The following MGST1 variants were observed in gnomAD, a reference collection of about 807,000 sequenced individuals.
MGST1 encodes microsomal glutathione S-transferase 1, also known as glutathione S-transferase 12.
MGST1 carries 5 observed loss-of-function variants against 8.9 expected under a neutral mutation model. That is an observed-to-expected ratio of 0.56 (90% CI 0.29 to 1.19). MGST1 has a LOEUF of 1.19. Among genes scored for constraint, MGST1 ranks in the 50% most tolerant of loss-of-function variants. The pLI, the probability that MGST1 is intolerant of heterozygous loss-of-function variation, is 0.08. For synonymous variants in MGST1, 54 were observed against 67.8 expected (o/e 0.80, Z 1.00); for missense variants, 182 against 187.4 (o/e 0.97, Z 0.17).
At chr12:16,452,304 G>A (rs1349514280) in intron 4 of MGST1, among the ~76,000 whole-genome samples, 1 of 151,166 alleles carries the variant, frequency 6.6e-6, no homozygotes, top group Admixed American at 6.6e-5. Flanking sequence ...TGTTTTTGTA[G>A]ATAGCAAGAT....
intron 3 of MGST1, among the ~76,000 whole-genome samples, chr12:16,374,605 A>G (rs759649359): frequency 2.6e-4 from 40 of 152,176 alleles, no homozygotes; most frequent in Non-Finnish European, 3.2e-4. Context: ...AACCTACCCC[A>G]AAGTTACACT....
At position 16,566,993 on chromosome 12, in the gene MGST1, G is replaced by A. The variant is rs149885778; in HGVS notation, n.483-22535G>A. ...ACTTGGCACTTGAGGTCAGGAGTTC[G>A]GGACCAGCCTGGCCAATATGGCAAA... On this transcript the variant is annotated intron_variant and non_coding_transcript_variant, in intron 4 of 4. Transcript: ENST00000538857. Among the ~76,000 whole-genome samples, 770 of 152,186 alleles carry A rather than the reference G, an allele frequency of 5.1e-3. 8 individuals carry two copies. Among genetic ancestry groups the A allele is most frequent in the African/African-American group, 0.018 (746 of 41,528 alleles).
intron 1 of MGST1, among the ~76,000 whole-genome samples, chr12:16,393,688 A>G (rs1284922996): frequency 2.0e-5 from 3 of 152,226 alleles, no homozygotes; most frequent in African/African-American, 7.2e-5. Flanking sequence ...TTATTCTAAC[A>G]GTGCACTAAG....
downstream of MGST1, among the ~76,000 whole-genome samples, chr12:16,380,995 G>C (rs1183029307): frequency 6.6e-6 from 1 of 151,972 alleles, no homozygotes; most frequent in Admixed American, 6.6e-5. Flanking sequence ...CATTCGCTTG[G>C]TAGCTCTTCC....
chr12:16,505,890 T>C (rs549032854), intron 4 of MGST1, among the ~76,000 whole-genome samples: 38 of 152,280 alleles, frequency 2.5e-4, no homozygotes, highest in African/African-American at 9.1e-4. Context: ...AGCCCAGAGG[T>C]AGGGGATCCT....
intron 1 of MGST1, among the ~76,000 whole-genome samples, chr12:16,406,166 C>T (rs540836311): frequency 6.6e-6 from 1 of 152,276 alleles, no homozygotes; most frequent in South Asian, 2.1e-4. Flanking sequence ...TAGAAAACCC[C>T]ACAGTCTCAG....
intron 4 of MGST1, among the ~76,000 whole-genome samples, chr12:16,449,413 C>A (rs1678834887): frequency 6.6e-6 from 1 of 151,978 alleles, no homozygotes; most frequent in East Asian, 2.0e-4. Flanking sequence ...TCCCGCCAGG[C>A]CCCACCTCCA....
Position 16,582,596 on chromosome 12 carries a change from C to T in MGST1, n.483-6932C>T, listed in dbSNP as rs999447636. Among the ~76,000 whole-genome samples, 7 of 152,042 alleles carry T rather than the reference C, an allele frequency of 4.6e-5. No homozygotes were observed. Among genetic ancestry groups the T allele is most frequent in the East Asian group, 1.9e-4 (1 of 5,190 alleles). On this transcript the variant is annotated intron_variant and non_coding_transcript_variant, in intron 4 of 4. Transcript: ENST00000538857. This position sits in a 1 kb window ranked among gnomAD's most constrained non-coding sequence, Gnocchi z 4.1. ...AAGCTTGTTGGAGAGTAATGGGCTA[C>T]GGGTAGAGATTGAGCCATCACAATA...
At chr12:16,417,823 C>T (rs1007123329) in intron 1 of MGST1, among the ~76,000 whole-genome samples, 3 of 152,166 alleles carry the variant, frequency 2.0e-5, no homozygotes, top group African/African-American at 4.8e-5. Flanking sequence ...ACCCAAGGAA[C>T]ATCCCCAAAC....
Position 16,362,978 on chromosome 12 carries a change from G to A in MGST1, c.222-817G>A, listed in dbSNP as rs947117791. The A allele has an allele frequency of 1.3e-5, 2 of 152,084 alleles. No homozygotes were observed. Among genetic ancestry groups the A allele is most frequent in the African/African-American group, 4.8e-5 (2 of 41,404 alleles). The allele number at this position is 152,084 out of a possible 1,614,324, so 9.4% of individuals were successfully genotyped here. On this transcript the variant is annotated intron_variant, in intron 3 of 3. Transcript: ENST00000396210. This position sits in a 1 kb window ranked among gnomAD's most constrained non-coding sequence, Gnocchi z 4.4. Reference sequence around the variant, plus strand: ...ACAACAATAATAATAAAAATGTCAAGTCCATAGTAGATGTGTTTTGTATTC... The same window carrying A: ...ACAACAATAATAATAAAAATGTCAAATCCATAGTAGATGTGTTTTGTATTC...
intron 4 of MGST1, among the ~76,000 whole-genome samples, chr12:16,474,634 C>T (rs186335343): frequency 1.3e-5 from 2 of 152,292 alleles, no homozygotes; most frequent in Non-Finnish European, 2.9e-5. Context: ...CCTTTTTGAT[C>T]CCCTTTCTCC....
chr12:16,371,237 A>G (rs1940287526), intron 3 of MGST1, among the ~76,000 whole-genome samples: 1 of 152,060 alleles, frequency 6.6e-6, no homozygotes, highest in Non-Finnish European at 1.5e-5. Context: ...TGACTCTATA[A>G]ATTAGTTAGG....
chr12:16,562,388 G>A (rs1942437966), intron 4 of MGST1, among the ~76,000 whole-genome samples: 2 of 152,090 alleles, frequency 1.3e-5, no homozygotes, highest in African/African-American at 2.4e-5. Flanking sequence ...GTTAACATGC[G>A]ATAAAGCCGT....
At chr12:16,388,500 T>G (rs1463323715) in intron 1 of MGST1, among the ~76,000 whole-genome samples, 1 of 152,092 alleles carries the variant, frequency 6.6e-6, no homozygotes, top group Non-Finnish European at 1.5e-5. Flanking sequence ...TTGTTACCAG[T>G]AGGATTTGAT....
chr12:16,549,987 TAA>T (rs749758862), intron 4 of MGST1: 9 of 152,084 alleles, frequency 5.9e-5, no homozygotes, highest in Non-Finnish European at 8.8e-5. Context: ...ACATCAAACT[TAA>T]AGTGTTTACT....
rs369986291 is a variant in MGST1 at position 16,395,780 on chromosome 12, C to CATATATATATATATAT, written n.778+12186_778+12201dup. ...CTTTAATGGCTGAGTAGTATTCCAT[C>CATATATATATATATAT]ATATATATATATATATATATATATA... is the stretch of plus-strand genomic sequence containing the variant. On this transcript the variant is annotated intron_variant and non_coding_transcript_variant, in intron 1 of 1. Coordinates refer to the MGST1 transcript ENST00000359720. Among the ~76,000 whole-genome samples, 196 of 121,640 alleles carry CATATATATATATATAT rather than the reference C, an allele frequency of 1.6e-3. 2 individuals are homozygous for CATATATATATATATAT. Among genetic ancestry groups the CATATATATATATATAT allele is most frequent in the East Asian group, 5.1e-3 (18 of 3,496 alleles). The allele number at this position is 121,640 out of a possible 152,430, so 79.8% of individuals were successfully genotyped here.
intron 4 of MGST1, among the ~76,000 whole-genome samples, chr12:16,570,069 C>T (rs1025705769): frequency 2.6e-5 from 4 of 152,128 alleles, no homozygotes; most frequent in Non-Finnish European, 2.9e-5. Context: ...CAGGAAGCTG[C>T]TAGTTTCAGC....
intron 4 of MGST1, among the ~76,000 whole-genome samples, chr12:16,528,563 C>T (rs1199256620): frequency 2.0e-5 from 3 of 151,806 alleles, no homozygotes; most frequent in East Asian, 1.9e-4. Flanking sequence ...TTTATGGTGG[C>T]GTAATAGTCA....
intron 4 of MGST1, among the ~76,000 whole-genome samples, chr12:16,450,839 CGTGTGTGT>C (rs66984063): frequency 0.063 from 9,374 of 147,824 alleles, 400 homozygotes; most frequent in African/African-American, 0.12. Context: ...ATATATATTC[CGTGTGTGT>C]GTGTGTGTGT....
Sources: gnomAD v4.1 joint callset for allele counts (sites outside exome capture counted in the v4.1 genomes callset) on GRCh38, gnomAD v4.1.1 for gene constraint, Gnocchi (gnomAD v3.1) non-coding constraint, MANE v1.5 for transcripts, NCBI Gene and HGNC (gene_info 2026-07-23, HGNC 2026-07-21) for gene names.